ACYP2: variants seen among roughly 807,000 people sequenced by gnomAD.
ACYP2 encodes the protein acylphosphatase 2.
In ACYP2, 12 loss-of-function variants were observed where a neutral mutation model predicts 11.2. The observed-to-expected ratio is 1.08, with a 90% CI of 0.69 to 1.74. The LOEUF is 1.74. Ranked by LOEUF, ACYP2 falls within the 40% of genes most tolerant of loss-of-function variation. The probability of loss-of-function intolerance (pLI) is 0.00; values close to 1 mark genes in which losing one functional copy is unlikely to be tolerated. For missense variants in ACYP2, 134 were observed against 101.9 expected, an observed-to-expected ratio of 1.31 and a Z score of -1.35; for synonymous variants, 43 against 32.2, an observed-to-expected ratio of 1.33 and a Z score of -1.13.
At chr2:54,025,319 G>C (rs1240205422) in intron 2 of ACYP2, among the ~76,000 whole-genome samples, 1 of 152,162 alleles carries the variant, frequency 6.6e-6, no homozygotes, top group Non-Finnish European at 1.5e-5. Flanking sequence ...CACATTACCT[G>C]ACTTTAAACT....
chr2:54,194,377 A>G (rs907513623), intron 6 of ACYP2, among the ~76,000 whole-genome samples: 1 of 152,090 alleles, frequency 6.6e-6, no homozygotes, highest in African/African-American at 2.4e-5. Context: ...TGTGTAATGG[A>G]TTTTAGTCAA....
chr2:54,234,540 T>A (rs1289809540), intron 6 of ACYP2, among the ~76,000 whole-genome samples: 1 of 152,264 alleles, frequency 6.6e-6, no homozygotes, highest in South Asian at 2.1e-4. Flanking sequence ...GCAATGGTTT[T>A]GGCACCTACC....
intron 2 of ACYP2, among the ~76,000 whole-genome samples, chr2:53,975,090 T>G (rs1394286386): frequency 2.6e-5 from 4 of 152,046 alleles, no homozygotes; most frequent in African/African-American, 9.7e-5. Flanking sequence ...CCTGGCATGG[T>G]GGCGTGCGCC....
chr2:53,982,799 C>G (rs929537269), intron 2 of ACYP2, among the ~76,000 whole-genome samples: 1 of 150,400 alleles, frequency 6.6e-6, no homozygotes, highest in Non-Finnish European at 1.5e-5. Flanking sequence ...ATTTTCACAA[C>G]TTCCATACAA....
chr2:54,234,486 A>G (rs1260009282), intron 6 of ACYP2, among the ~76,000 whole-genome samples: 4 of 152,214 alleles, frequency 2.6e-5, no homozygotes, highest in African/African-American at 9.6e-5. Flanking sequence ...CTTGTTTGCA[A>G]CATCCATTGA....
chr2:54,211,007 C>T (rs530680286), intron 6 of ACYP2, among the ~76,000 whole-genome samples: 4 of 152,254 alleles, frequency 2.6e-5, no homozygotes, highest in African/African-American at 9.6e-5. Flanking sequence ...TTATTTGGAC[C>T]ATAGGGCCTT....
At chr2:54,295,637 T>G (rs375905617) in intron 6 of ACYP2, among the ~76,000 whole-genome samples, 71 of 152,222 alleles carry the variant, frequency 4.7e-4, no homozygotes, top group African/African-American at 1.7e-3. Flanking sequence ...TTTCTTTAAG[T>G]TTTATTTTAT....
chr2:53,995,025 C>T (rs923094489), intron 2 of ACYP2, among the ~76,000 whole-genome samples: 4 of 152,154 alleles, frequency 2.6e-5, no homozygotes, highest in South Asian at 2.1e-4. Flanking sequence ...TCTGTTTTTG[C>T]GTCAGTGTCT....
Position 54,254,735 on chromosome 2 carries a change from G to A in ACYP2, c.405-49953G>A. ...ATGCAGAATAGCAAGACGACCAGGT[G>A]AAAGGGGAGCAGCACAGCCACCAAG... On this transcript the variant is annotated intron_variant, in intron 6 of 6. Coordinates refer to ENST00000607452, the MANE Select transcript of ACYP2 (RefSeq NM_001320586.2). 8.3e-6 allele frequency: 5 copies of A among 601,224 alleles called. No individual in the cohort carries two copies. In the South Asian group the frequency reaches 1.1e-4, roughly 14 times the overall value. The allele number at this position is 601,224 out of a possible 1,614,324, so 37.2% of individuals were successfully genotyped here.
intron 6 of ACYP2, among the ~76,000 whole-genome samples, chr2:54,197,942 ATATTGTATTGTATTGTATTG>A (rs141209640): frequency 0.13 from 8,842 of 69,044 alleles, 968 homozygotes; most frequent in Admixed American, 0.14. Flanking sequence ...TGTATGTATT[ATATTGTATTGTATTGTATTG>A]TATTGTATTG....
intron 6 of ACYP2, among the ~76,000 whole-genome samples, chr2:54,156,189 G>C (rs986949175): frequency 2.6e-5 from 4 of 151,948 alleles, no homozygotes; most frequent in African/African-American, 9.7e-5. Flanking sequence ...TTCAATATTT[G>C]CTTATTAATT....
chr2:53,989,055 C>T (rs1391268454), intron 2 of ACYP2, among the ~76,000 whole-genome samples: 1 of 151,430 alleles, frequency 6.6e-6, no homozygotes, highest in Non-Finnish European at 1.5e-5. Flanking sequence ...GCCTGTAATT[C>T]AGTTTTAAAT....
chr2:54,292,669 T>TAC lies in ACYP2; in HGVS notation c.405-11980_405-11979dup, dbSNP rs3071218. Among the ~76,000 whole-genome samples, 492 of 149,086 alleles carry TAC rather than the reference T, an allele frequency of 3.3e-3. 2 individuals are homozygous for TAC. The highest frequency in any genetic ancestry group is 0.014 in the Middle Eastern group (4 of 286). On this transcript the variant is annotated intron_variant, in intron 6 of 6. Transcript: ENST00000607452. The stretch of plus-strand genomic sequence containing the variant: ...TTCTGATTGTGTGTGTATATATGTA[T>TAC]ACACACACACACACACACACACACA...
chr2:54,208,531 G>A (rs1318040608), intron 6 of ACYP2, among the ~76,000 whole-genome samples: 1 of 152,006 alleles, frequency 6.6e-6, no homozygotes, highest in Non-Finnish European at 1.5e-5. Flanking sequence ...TCCCAGGGTT[G>A]GGCAGGAAAT....
chr2:54,004,346 ATCCTTACCTGCCATCTGTGTATCTTCTTT>A (rs1327153048), intron 2 of ACYP2, among the ~76,000 whole-genome samples: 1 of 146,054 alleles, frequency 6.8e-6, no homozygotes, highest in African/African-American at 2.6e-5. Context: ...ATCTTTTCAT[ATCCTTACCTGCCATCTGTGTATCTTCTTT>A]GGTGAGGTGT....
intron 6 of ACYP2, among the ~76,000 whole-genome samples, chr2:54,238,993 CA>C (rs1457909194): frequency 6.6e-6 from 1 of 151,690 alleles, no homozygotes; most frequent in East Asian, 1.9e-4. Context: ...TTTTTATGGG[CA>C]AAAATCCCAA....
At chr2:54,105,394 T>A (rs1205409230) in intron 4 of ACYP2, among the ~76,000 whole-genome samples, 5 of 152,204 alleles carry the variant, frequency 3.3e-5, no homozygotes, top group Non-Finnish European at 2.9e-5. Flanking sequence ...TTCTTATCCA[T>A]TCTTCAGCGA....
chr2:54,095,673 C>T (rs1335924786), intron 4 of ACYP2, among the ~76,000 whole-genome samples: 1 of 134,438 alleles, frequency 7.4e-6, no homozygotes, highest in Admixed American at 7.3e-5. Context: ...GACCCCCCCA[C>T]CTCCCTCCTG....
At chr2:53,990,740 CAG>C (rs1491059481) in intron 2 of ACYP2, among the ~76,000 whole-genome samples, 1 of 150,458 alleles carries the variant, frequency 6.6e-6, no homozygotes, top group Non-Finnish European at 1.5e-5. Context: ...CTTCTACTGT[CAG>C]AGTTTCTGAT....
Sources: allele counts gnomAD v4.1 joint callset (sites outside exome capture counted in the v4.1 genomes callset), GRCh38; gene constraint gnomAD v4.1.1; transcripts MANE v1.5; gene names NCBI Gene and HGNC (gene_info 2026-07-23, HGNC 2026-07-21).